Variants in SIPA1L2 observed in about 807,000 individuals in gnomAD.
SIPA1L2 encodes signal induced proliferation associated 1 like 2, also known as signal-induced proliferation-associated 1-like protein 2.
A neutral mutation model predicts 163.9 loss-of-function variants in SIPA1L2; 56 were observed. The observed-to-expected ratio is 0.34, with a 90% CI of 0.28 to 0.43. The LOEUF is 0.43. Among genes scored for constraint, SIPA1L2 ranks in the 20% least tolerant of loss-of-function variants. The pLI, the probability that SIPA1L2 is intolerant of heterozygous loss-of-function variation, is 1.00. For missense variants in SIPA1L2, 1,974 were observed against 2,193.5 expected (o/e 0.90, Z 2.00); for synonymous variants, 877 against 865.7 (o/e 1.01, Z -0.23).
chr1:232,620,015 G>C (rs1455427891), intron 1 of SIPA1L2, among the ~76,000 whole-genome samples: 1 of 152,128 alleles, frequency 6.6e-6, no homozygotes, highest in African/African-American at 2.4e-5. Flanking sequence ...CTCCTGAGTA[G>C]CTGGGATTAC....
At chr1:232,626,037 G>A (rs998223224) in intron 1 of SIPA1L2, among the ~76,000 whole-genome samples, 2 of 152,110 alleles carry the variant, frequency 1.3e-5, no homozygotes, top group Non-Finnish European at 2.9e-5. Flanking sequence ...CTCCTCTCTG[G>A]ATAGGAAGAA....
chr1:232,604,173 G>A (rs1661766279), intron 1 of SIPA1L2, among the ~76,000 whole-genome samples: 1 of 150,562 alleles, frequency 6.6e-6, no homozygotes, highest in Non-Finnish European at 1.5e-5. Context: ...CTTCCCCTGT[G>A]AGAATCTACA....
intron 6 of SIPA1L2, among the ~76,000 whole-genome samples, chr1:232,482,628 G>A (rs954666490): frequency 2.6e-5 from 4 of 152,148 alleles, no homozygotes; most frequent in East Asian, 1.9e-4. Flanking sequence ...TTACACCATC[G>A]CAGAGGCTTG....
chr1:232,421,101 A>T (rs1341296641), intron 18 of SIPA1L2, among the ~76,000 whole-genome samples: 1 of 152,226 alleles, frequency 6.6e-6, no homozygotes, highest in Non-Finnish European at 1.5e-5. Flanking sequence ...GTTAAAAAAC[A>T]GGAGAGAGGG....
Position 232,439,479 on chromosome 1 carries a change from G to A in SIPA1L2, c.3660C>T (p.Cys1220=), listed in dbSNP as rs1318934412. ...NKLSHIGDKS[C]SSHSSSNTLS... ...GCGTGTTGCTGCTGGAGTGACTGGA[G>A]CAACTTTTATCCCCAATCTTCAGAA... The change falls in exon 15 of 23, where the codon TGC becomes TGT. Residue 1220 remains cysteine (C), a synonymous_variant. Coordinates refer to ENST00000674635, the MANE Select transcript of SIPA1L2 (RefSeq NM_020808.5). The A allele has an allele frequency of 6.2e-7, 1 of 1,612,682 alleles. No individual in the cohort carries two copies. The highest frequency in any genetic ancestry group is 1.7e-5 in the Admixed American group (1 of 59,986).
intron 1 of SIPA1L2, among the ~76,000 whole-genome samples, chr1:232,579,973 C>T (rs1660286169): frequency 1.3e-5 from 2 of 151,990 alleles, no homozygotes; most frequent in Non-Finnish European, 2.9e-5. Flanking sequence ...GAGGTGAATT[C>T]GTAAAGTGAA....
chr1:232,440,361 C>CT (rs1036137239), intron 14 of SIPA1L2, among the ~76,000 whole-genome samples: 1 of 152,192 alleles, frequency 6.6e-6, no homozygotes, highest in Non-Finnish European at 1.5e-5. Flanking sequence ...TTGGCCTTAT[C>CT]TTTTTTTATT....
intron 18 of SIPA1L2, among the ~76,000 whole-genome samples, chr1:232,418,447 C>T (rs572268441): frequency 5.9e-5 from 9 of 152,334 alleles, no homozygotes; most frequent in Admixed American, 1.3e-4. Flanking sequence ...GTTCCTGATA[C>T]GTGGCCATTC....
At chr1:232,630,348 G>T (rs931640532), upstream of SIPA1L2, among the ~76,000 whole-genome samples, 5 of 152,044 alleles carry the variant, frequency 3.3e-5, no homozygotes, top group Non-Finnish European at 7.4e-5. Flanking sequence ...GTCCAGGAGG[G>T]GCCCGGACGC....
intron 3 of SIPA1L2, among the ~76,000 whole-genome samples, chr1:232,507,963 T>C (rs886228317): frequency 1.3e-5 from 2 of 152,222 alleles, no homozygotes; most frequent in African/African-American, 4.8e-5. Context: ...ATGGTGATTA[T>C]AGCTGATGAA....
At chr1:232,556,889 T>A (rs1472566339) in intron 2 of SIPA1L2, among the ~76,000 whole-genome samples, 1 of 152,108 alleles carries the variant, frequency 6.6e-6, no homozygotes, top group Non-Finnish European at 1.5e-5. Context: ...ATCTCAAGGA[T>A]TTTGCAGTCT....
At chr1:232,629,270 C>T (rs1450536987) in intron 1 of SIPA1L2, among the ~76,000 whole-genome samples, 1 of 152,198 alleles carries the variant, frequency 6.6e-6, no homozygotes. Context: ...ATTCCCAGGA[C>T]GTGGGCAAAC....
At chr1:232,439,049 C>G (rs535338834) in intron 15 of SIPA1L2, 59 bp downstream of exon 15, 1 of 1,518,562 alleles carries the variant, frequency 6.6e-7, no homozygotes, top group African/African-American at 1.4e-5. Context: ...TGCCCTATCC[C>G]AGCAGGCAGG....
intron 1 of SIPA1L2, among the ~76,000 whole-genome samples, chr1:232,580,710 T>A (rs1290303135): frequency 2.6e-5 from 4 of 152,086 alleles, no homozygotes; most frequent in Admixed American, 6.5e-5. Flanking sequence ...TCTCAGTTAA[T>A]CTTGCCTAGA....
At chr1:232,478,569 G>A (rs1052631576) in intron 7 of SIPA1L2, among the ~76,000 whole-genome samples, 9 of 152,078 alleles carry the variant, frequency 5.9e-5, no homozygotes, top group African/African-American at 1.9e-4. Flanking sequence ...TCACTCATTT[G>A]ACAAATACCT....
At chr1:232,595,694 G>A (rs553817992) in intron 1 of SIPA1L2, among the ~76,000 whole-genome samples, 15 of 152,176 alleles carry the variant, frequency 9.9e-5, no homozygotes, top group Non-Finnish European at 2.2e-4. Flanking sequence ...GGGAGGGAAT[G>A]GTGGACTATG....
intron 3 of SIPA1L2, among the ~76,000 whole-genome samples, chr1:232,508,865 G>C (rs561067298): frequency 4.9e-4 from 74 of 152,360 alleles, no homozygotes; most frequent in African/African-American, 1.7e-3. Flanking sequence ...GCTGAGGTGG[G>C]TGGATCACCT....
At chr1:232,608,047 C>CAAAAAAAAAAAAAAAAAAAAAAA (rs56208215) in intron 1 of SIPA1L2, among the ~76,000 whole-genome samples, 2 of 67,498 alleles carry the variant, frequency 3.0e-5, no homozygotes, top group African/African-American at 6.8e-5. Context: ...AACTCCATCT[C>CAAAAAAAAAAAAAAAAAAAAAAA]AAAAAAAAAA....
chr1:232,455,257 T>A (rs545314143), intron 10 of SIPA1L2, among the ~76,000 whole-genome samples: 1 of 152,340 alleles, frequency 6.6e-6, no homozygotes, highest in South Asian at 2.1e-4. Context: ...TAATTTTTAT[T>A]ATCCATACAA....
Sources: allele counts gnomAD v4.1 joint callset (sites outside exome capture counted in the v4.1 genomes callset), GRCh38; gene constraint gnomAD v4.1.1; transcripts MANE v1.5; gene names NCBI Gene and HGNC (gene_info 2026-07-23, HGNC 2026-07-21).